Variants in PUDP observed in about 807,000 individuals in gnomAD.
PUDP encodes pseudouridine 5'-phosphatase.
PUDP carries 8 observed loss-of-function variants against 9.4 expected under a neutral mutation model. The ratio of observed to expected loss-of-function variants is 0.85; its 90% CI spans 0.50 to 1.53. The LOEUF (loss-of-function observed/expected upper bound fraction) is 1.53. Ranked by LOEUF, PUDP falls within the 40% of genes most tolerant of loss-of-function variation. The pLI is 0.00. For synonymous variants in PUDP, 99 were observed against 80.7 expected, an observed-to-expected ratio of 1.23 and a Z score of -1.22; for missense variants, 188 against 189.7, an observed-to-expected ratio of 0.99 and a Z score of 0.05.
chrX:6,963,105 A>G (rs1928731703), intron 3 of PUDP, among the ~76,000 whole-genome samples: 1 of 112,527 alleles, frequency 8.9e-6, no homozygotes, highest in South Asian at 3.7e-4. Flanking sequence ...CCACACAGTC[A>G]TTCAGGTATC....
intron 3 of PUDP, among the ~76,000 whole-genome samples, chrX:6,967,175 T>C (rs1046829821): frequency 2.7e-5 from 3 of 111,849 alleles, no homozygotes; most frequent in African/African-American, 9.7e-5. Flanking sequence ...GACAGAGGCA[T>C]CTGCAGCCGC....
intron 3 of PUDP, among the ~76,000 whole-genome samples, chrX:6,934,007 T>G (rs1425753293): frequency 9.8e-6 from 1 of 101,730 alleles, no homozygotes; most frequent in Non-Finnish European, 2.0e-5. Flanking sequence ...TACGTCTGAT[T>G]GGTGTACCTG....
chrX:6,802,832 C>T (rs185134922), intron 3 of PUDP, among the ~76,000 whole-genome samples: 1,702 of 107,065 alleles, frequency 0.016, 39 homozygotes, highest in African/African-American at 0.055. Flanking sequence ...TTGCAGTGAG[C>T]CAAGATGGTG....
At chrX:6,966,550 T>TC (rs1444500393) in intron 3 of PUDP, among the ~76,000 whole-genome samples, 1 of 105,645 alleles carries the variant, frequency 9.5e-6, no homozygotes, top group Non-Finnish European at 2.0e-5. Flanking sequence ...TTCATATTTT[T>TC]TTTTTTTTTT....
chrX:6,986,358 G>A (rs1421080475), intron 1 of PUDP, among the ~76,000 whole-genome samples: 4 of 111,498 alleles, frequency 3.6e-5, no homozygotes, highest in African/African-American at 1.3e-4. Context: ...CCTACAAACC[G>A]CCCTCAGCGG....
At chrX:6,785,071 A>G (rs982490447) in intron 3 of PUDP, among the ~76,000 whole-genome samples, 1 of 112,578 alleles carries the variant, frequency 8.9e-6, no homozygotes, top group East Asian at 2.8e-4. Context: ...TATCTTTTAC[A>G]TGATTTCCAT....
At chrX:6,933,804 A>C (rs942353174) in intron 3 of PUDP, among the ~76,000 whole-genome samples, 1 of 111,905 alleles carries the variant, frequency 8.9e-6, no homozygotes, top group Non-Finnish European at 1.9e-5. Flanking sequence ...GATGGAGCTG[A>C]AAACCAAGGC....
chrX:6,742,548 C>A (rs1423619845), intron 3 of PUDP, among the ~76,000 whole-genome samples: 1 of 112,078 alleles, frequency 8.9e-6, no homozygotes, highest in African/African-American at 3.3e-5. Flanking sequence ...GAGGGAGGCT[C>A]ACTTGAGCCT....
intron 3 of PUDP, among the ~76,000 whole-genome samples, chrX:6,796,498 G>A (rs757839412): frequency 1.7e-4 from 19 of 112,062 alleles, no homozygotes; most frequent in Middle Eastern, 4.6e-3. Context: ...TGTTTCCTCC[G>A]TTGAATACTT....
chrX:6,751,014 C>A (rs1010745163), intron 3 of PUDP, among the ~76,000 whole-genome samples: 3 of 109,574 alleles, frequency 2.7e-5, no homozygotes, highest in African/African-American at 1.0e-4. Flanking sequence ...TGGTGGTGGG[C>A]GCCTGTAGTC....
chrX:7,092,369 T>C (rs1402765087), intron 2 of PUDP, among the ~76,000 whole-genome samples: 5 of 112,998 alleles, frequency 4.4e-5, no homozygotes, highest in Non-Finnish European at 9.4e-5. Context: ...CTTTAAGTTA[T>C]AGTAATCCCA....
chrX:6,985,321 T>C (rs6654835), intron 1 of PUDP, among the ~76,000 whole-genome samples: 12 of 111,707 alleles, frequency 1.1e-4, no homozygotes, highest in African/African-American at 3.9e-4. Flanking sequence ...CCTGAAGACC[T>C]TCCTCTGGAG....
chrX:6,709,861 A>C (rs991123833), intron 1 of PUDP, among the ~76,000 whole-genome samples: 1 of 112,077 alleles, frequency 8.9e-6, no homozygotes, highest in Non-Finnish European at 1.9e-5. Context: ...GGTGGCTCAC[A>C]CCTGTGATCC....
rs983112289 is a variant in PUDP at position 6,993,386 on chromosome X, G to A, written c.205-15043C>T. 3.6e-5 allele frequency among the ~76,000 whole-genome samples: 4 copies of A among 111,809 alleles called. No individual in the cohort carries two copies. In the Admixed American group the frequency reaches 3.8e-4, roughly 11 times the overall value. On this transcript the variant is annotated intron_variant and NMD_transcript_variant, in intron 1 of 3. Coordinates refer to the PUDP transcript ENST00000655425. ...TTACAGAAAGATAACAAAATGTAAC[G>A]AAATGTAACAAAAATAGGAAGCAAA...
chrX:7,141,957 A>C (rs937796116), intron 1 of PUDP, among the ~76,000 whole-genome samples: 15 of 112,413 alleles, frequency 1.3e-4, no homozygotes, highest in Non-Finnish European at 2.8e-4. Context: ...CCCACTATTA[A>C]GAATTACTGC....
chrX:6,926,722 A>G (rs981959037), intron 3 of PUDP, among the ~76,000 whole-genome samples: 9 of 111,620 alleles, frequency 8.1e-5, no homozygotes, highest in African/African-American at 2.9e-4. Flanking sequence ...GGATTGTTCC[A>G]ATAGCATTTC....
intron 1 of PUDP, among the ~76,000 whole-genome samples, chrX:7,027,045 A>G (rs1929721017): frequency 9.0e-6 from 1 of 111,472 alleles, no homozygotes; most frequent in African/African-American, 3.3e-5. Flanking sequence ...GTTTGACTTC[A>G]TATTTTTATT....
At chrX:6,818,374 C>T (rs1033620580) in intron 3 of PUDP, among the ~76,000 whole-genome samples, 3 of 112,118 alleles carry the variant, frequency 2.7e-5, no homozygotes, top group Admixed American at 9.5e-5. Flanking sequence ...TGCCAAACAT[C>T]GCATTCAAGA....
In PUDP at chrX:6,897,278, T is replaced by C. The variant is rs573152571; in HGVS notation, c.*247+79855A>G. 3.6e-5 allele frequency among the ~76,000 whole-genome samples: 4 copies of C among 112,393 alleles called. No homozygotes were observed. The South Asian group carries it at 1.5e-3, about 42-fold the overall frequency. On this transcript the variant is annotated intron_variant and NMD_transcript_variant, in intron 3 of 3. Transcript: ENST00000655425. ...ATAACTCAATAGTGTTTGATTTCTT[T>C]AGTGTATATATGATTCTTAAAATTA...
Sources: gnomAD v4.1 joint callset for allele counts (sites outside exome capture counted in the v4.1 genomes callset) on GRCh38, gnomAD v4.1.1 for gene constraint, MANE v1.5 for transcripts, NCBI Gene and HGNC (gene_info 2026-07-23, HGNC 2026-07-21) for gene names.